DCBLD1: variants seen among roughly 807,000 people sequenced by gnomAD.
The protein encoded by DCBLD1 is discoidin, CUB and LCCL domain-containing protein 1.
DCBLD1 carries 57 observed loss-of-function variants against 71.5 expected under a neutral mutation model. The observed-to-expected ratio is 0.80, with a 90% CI of 0.64 to 0.99. The LOEUF is 0.99. DCBLD1 is among the 50% of genes least tolerant of loss of function. The pLI, the probability that DCBLD1 is intolerant of heterozygous loss-of-function variation, is 0.00. For synonymous variants in DCBLD1, 380 were observed against 363.8 expected, an observed-to-expected ratio of 1.04 and a Z score of -0.51; for missense variants, 891 against 923.5, an observed-to-expected ratio of 0.96 and a Z score of 0.46.
intron 14 of DCBLD1, chr6:117,563,406 A>C (rs201240378): frequency 6.2e-7 from 1 of 1,611,442 alleles, no homozygotes; most frequent in Non-Finnish European, 8.5e-7. Context: ...GAGAAAAAAA[A>C]AGCAGACACT....
chr6:117,544,364 C>G, intron 12 of DCBLD1, 164 bp from the exon 13 acceptor site: 1 of 523,020 alleles, frequency 1.9e-6, no homozygotes, highest in Non-Finnish European at 3.2e-6. Flanking sequence ...ATAGATAATT[C>G]TACATATTTG....
chr6:117,548,024 A>C lies in DCBLD1; in HGVS notation c.1733A>C (p.Tyr578Ser). 1.3e-6 allele frequency: 2 copies of C among 1,550,020 alleles called. No individual in the cohort carries two copies. Among genetic ancestry groups the C allele is most frequent in the Non-Finnish European group, 1.7e-6 (2 of 1,146,674 alleles). The change falls in exon 15 of 15, where the codon TAT becomes TCT. Residue 578 changes from tyrosine (Y) to serine (S), a missense_variant. Coordinates refer to ENST00000338728, the MANE Select transcript of DCBLD1 (RefSeq NM_001366458.2). The stretch of plus-strand genomic sequence containing the variant: ...GTGAGCACCGATGCCGGCGGCCACT[A>C]TGACTGCCCGCAGCGGGCCGGCCGC... ...AGVSTDAGGH[Y>S]DCPQRAGRHE... is the part of the protein sequence containing the mutation.
chr6:117,489,435 C>T (rs575955437), intron 1 of DCBLD1, among the ~76,000 whole-genome samples: 135 of 152,188 alleles, frequency 8.9e-4, no homozygotes, highest in African/African-American at 3.1e-3. Context: ...GACAAAACAT[C>T]CAAACCATAT....
rs371419043 is a variant in DCBLD1 at position 117,566,953 on chromosome 6, T to G, written c.1616-2667T>G. The G allele has an allele frequency of 1.2e-6, 2 of 1,611,882 alleles. No individual in the cohort carries two copies. Among genetic ancestry groups the G allele is most frequent in the Non-Finnish European group, 1.7e-6 (2 of 1,179,016 alleles). The stretch of plus-strand genomic sequence containing the variant: ...AGGTACAAACGGTAACGATGTCCAC[T>G]CTCATCTTCATACTCTACGTTTTCA... On this transcript the variant is annotated intron_variant, in intron 14 of 14. Transcript: ENST00000296955.
At chr6:117,500,595 G>A (rs753837273) in intron 1 of DCBLD1, among the ~76,000 whole-genome samples, 7 of 152,178 alleles carry the variant, frequency 4.6e-5, no homozygotes, top group Admixed American at 1.3e-4. Flanking sequence ...GGCCGGGTGC[G>A]GTGGCTCACG....
intron 4 of DCBLD1, among the ~76,000 whole-genome samples, chr6:117,521,882 T>A (rs944771751): frequency 6.6e-6 from 1 of 152,214 alleles, no homozygotes; most frequent in Non-Finnish European, 1.5e-5. Context: ...ACAGACATGC[T>A]GTGTTTCAAT....
Position 117,503,858 on chromosome 6 carries a change from C to G in DCBLD1, c.204C>G (p.Cys68Trp), listed in dbSNP as rs760656181. ...GGACCTACCCCAATCACACTGTTTG[C>G]GAAAAGACAATTACAGTACCAAAGG... ...YPGTYPNHTV[C>W]EKTITVPKGK... The change falls in exon 2 of 15, where the codon TGC becomes TGG. Residue 68 changes from cysteine to tryptophan, a missense_variant. Transcript: ENST00000338728. 1 of 1,613,904 alleles carries G rather than the reference C, an allele frequency of 6.2e-7. No individual in the cohort carries two copies. Among genetic ancestry groups the G allele is most frequent in the East Asian group, 2.2e-5 (1 of 44,882 alleles).
chr6:117,521,463 G>A, intron 3 of DCBLD1, 62 bp from the exon 4 acceptor site: 1 of 1,336,226 alleles, frequency 7.5e-7, no homozygotes, highest in Non-Finnish European at 1.0e-6. Flanking sequence ...AGAAAGCTTT[G>A]CAGCATGAGT....
At chr6:117,543,715 C>T (rs1779174690) in intron 12 of DCBLD1, among the ~76,000 whole-genome samples, 1 of 152,118 alleles carries the variant, frequency 6.6e-6, no homozygotes, top group African/African-American at 2.4e-5. Context: ...AAAGACTTAA[C>T]CTTTGAGTAT....
In DCBLD1 at chr6:117,519,969, C is replaced by A. The variant is rs766652640; in HGVS notation, c.460+19C>A. On this transcript the variant is annotated intron_variant, in intron 3 of 14. Transcript: ENST00000338728. ...CATCCAGGTATAACGGAAGAATCAA[C>A]ACAAATCTCTAAATGTTATCTGTCT... The A allele has an allele frequency of 8.7e-6, 14 of 1,611,938 alleles. No individual in the cohort carries two copies. The African/African-American group carries it at 1.9e-4, about 22-fold the overall frequency.
At chr6:117,514,086 TATC>T in intron 2 of DCBLD1, among the ~76,000 whole-genome samples, 1 of 152,342 alleles carries the variant, frequency 6.6e-6, no homozygotes, top group Middle Eastern at 3.4e-3. Context: ...CTCTCAATGC[TATC>T]ATATTTTTCC....
At chr6:117,483,318 C>T (rs1476516634) in intron 1 of DCBLD1, among the ~76,000 whole-genome samples, 4 of 152,220 alleles carry the variant, frequency 2.6e-5, no homozygotes, top group South Asian at 4.1e-4. Context: ...CAAAGCCGCT[C>T]CTCGGCCGGC....
intron 7 of DCBLD1, among the ~76,000 whole-genome samples, chr6:117,537,593 A>G (rs900272495): frequency 2.2e-5 from 3 of 134,706 alleles, no homozygotes; most frequent in Non-Finnish European, 3.1e-5. Context: ...ATTCCTCCAT[A>G]CCCTTCAGAT....
chr6:117,545,281 A>G (rs1779229568), intron 13 of DCBLD1, among the ~76,000 whole-genome samples, 197 bp from the exon 14 acceptor site: 1 of 152,102 alleles, frequency 6.6e-6, no homozygotes, highest in Admixed American at 6.5e-5. Flanking sequence ...CACAGCGGAA[A>G]GCATGGTTAG....
In DCBLD1 at chr6:117,544,571, A is replaced by C; in HGVS notation, c.1489A>C (p.Lys497Gln). The change falls in exon 13 of 15, where the codon AAA becomes CAA. Residue 497 changes from lysine to glutamine, a missense_variant. Physicochemically the swap from Lys to Gln is moderately conservative, Grantham distance 53. Transcript: ENST00000338728. ...GSPYGSAEAQKTDCWKQIKYP... is the reference protein window; with the variant it reads ...GSPYGSAEAQQTDCWKQIKYP... ...TCCGTATGGATCAGCAGAGGCTCAG[A>C]AAACAGGTTGGTTGAAAACTCTATC... 1 of 1,614,072 alleles carries C rather than the reference A, an allele frequency of 6.2e-7. No individual in the cohort carries two copies. The highest frequency in any genetic ancestry group is 8.5e-7 in the Non-Finnish European group (1 of 1,179,998).
intron 14 of DCBLD1, among the ~76,000 whole-genome samples, chr6:117,566,471 T>A (rs1779699298): frequency 6.6e-6 from 1 of 152,194 alleles, no homozygotes; most frequent in African/African-American, 2.4e-5. Context: ...TCATACTTAT[T>A]CATAATTAGC....
intron 1 of DCBLD1, 77 bp downstream of exon 1, chr6:117,482,970 C>A: frequency 3.3e-6 from 2 of 601,930 alleles, no homozygotes; most frequent in Non-Finnish European, 4.0e-6. Context: ...CGGGCCGGGC[C>A]GGGCCGAGGG....
At chr6:117,505,028 G>A (rs1777792312) in intron 2 of DCBLD1, among the ~76,000 whole-genome samples, 2 of 152,076 alleles carry the variant, frequency 1.3e-5, no homozygotes, top group South Asian at 2.1e-4. Flanking sequence ...GCCCTGAGAC[G>A]ATTCAGAAAT....
chr6:117,529,002 G>A (rs1368361665), intron 5 of DCBLD1, among the ~76,000 whole-genome samples: 1 of 151,988 alleles, frequency 6.6e-6, no homozygotes, highest in Non-Finnish European at 1.5e-5. Flanking sequence ...CACCATGCCC[G>A]GCTAATTTTT....
Sources: allele counts gnomAD v4.1 joint callset (sites outside exome capture counted in the v4.1 genomes callset), GRCh38; gene constraint gnomAD v4.1.1; transcripts MANE v1.5; gene names NCBI Gene and HGNC (gene_info 2026-07-23, HGNC 2026-07-21).